Variants in KAT6A observed in about 807,000 individuals in gnomAD.
KAT6A encodes histone acetyltransferase KAT6A.
Under a neutral mutation model 198.4 loss-of-function variants are expected in KAT6A, and 9 were observed. That is an observed-to-expected ratio of 0.05 (90% CI 0.03 to 0.08). KAT6A has a LOEUF of 0.08. Ranked by LOEUF, KAT6A falls within the 10% of genes least tolerant of loss-of-function variation. The pLI is 1.00. For synonymous variants in KAT6A, 890 were observed against 883.0 expected, an observed-to-expected ratio of 1.01 and a Z score of -0.14; for missense variants, 2,077 against 2,509.9, an observed-to-expected ratio of 0.83 and a Z score of 3.69.
At chr8:41,994,948 CA>C (rs1410514192) in intron 2 of KAT6A, among the ~76,000 whole-genome samples, 1 of 151,910 alleles carries the variant, frequency 6.6e-6, no homozygotes, top group Non-Finnish European at 1.5e-5. Context: ...CCCAGCTACT[CA>C]AAAGGCTGAC....
Position 41,942,725 on chromosome 8 carries a change from T to C in KAT6A, c.2436+68A>G, listed in dbSNP as rs536524001. ...TGTGAAAGATGATCATAATACATTATTATAAATACTCATGAAATCAAAAAT... is the reference window on the plus strand; with the variant it reads ...TGTGAAAGATGATCATAATACATTACTATAAATACTCATGAAATCAAAAAT... On this transcript the variant is annotated intron_variant, in intron 14 of 16. Coordinates refer to ENST00000265713, the MANE Select transcript of KAT6A (RefSeq NM_006766.5). The C allele has an allele frequency of 3.6e-5, 54 of 1,501,602 alleles. No individual in the cohort carries two copies. The Middle Eastern group carries it at 5.2e-4, about 14-fold the overall frequency. 93.0% of individuals were successfully genotyped at this position (1,501,602 alleles called of 1,614,324 possible). A position where few individuals can be genotyped will look rare whatever the true frequency, so the allele number is the denominator to read the frequency against.
intron 1 of KAT6A, among the ~76,000 whole-genome samples, chr8:42,051,410 GCCCGAGCCCGAA>G (rs1449015702): frequency 2.0e-5 from 3 of 151,030 alleles, no homozygotes; most frequent in African/African-American, 7.3e-5. Context: ...CGGAACCCGA[GCCCGAGCCCGAA>G]CCCGAGCGCC....
intron 12 of KAT6A, 76 bp downstream of exon 12, chr8:41,946,489 TATATACACACACACACACACACACAC>T (rs938978729): frequency 4.4e-6 from 2 of 453,860 alleles, no homozygotes; most frequent in African/African-American, 6.4e-5. Flanking sequence ...TAAATATATA[TATATACACACACACACACACACACAC>T]ACACACACAC....
chr8:42,031,819 T>G (rs13439865), intron 2 of KAT6A, among the ~76,000 whole-genome samples: 5,460 of 151,260 alleles, frequency 0.036, 182 homozygotes, highest in African/African-American at 0.092. Flanking sequence ...TTAGTAGAGA[T>G]AGGGTTTTGT....
chr8:42,027,112 A>C (rs1371131214), intron 2 of KAT6A, among the ~76,000 whole-genome samples: 1 of 152,220 alleles, frequency 6.6e-6, no homozygotes, highest in Non-Finnish European at 1.5e-5. Context: ...ATGCATCCCT[A>C]GGATAAACCC....
chr8:41,972,571 A>G lies in KAT6A; in HGVS notation c.1482+2133T>C, dbSNP rs374506031. On this transcript the variant is annotated intron_variant, in intron 8 of 16. Coordinates refer to ENST00000265713, the MANE Select transcript of KAT6A (RefSeq NM_006766.5). ...GTGGAATTTTCTAATCATGAAAAATAAAACAAGCTCAAAGTGATGACATTC... is the reference window on the plus strand; with the variant it reads ...GTGGAATTTTCTAATCATGAAAAATGAAACAAGCTCAAAGTGATGACATTC... Among the ~76,000 whole-genome samples the G allele has an allele frequency of 7.2e-5, 11 of 152,346 alleles. No individual in the cohort carries two copies. In the South Asian group the frequency reaches 1.4e-3, roughly 20 times the overall value.
chr8:42,034,092 G>A (rs561608001), intron 2 of KAT6A, among the ~76,000 whole-genome samples: 7 of 152,256 alleles, frequency 4.6e-5, no homozygotes, highest in African/African-American at 1.4e-4. Context: ...AGGTTGAAGA[G>A]CTAATTTATG....
At chr8:41,991,203 A>G (rs1824928681) in intron 2 of KAT6A, among the ~76,000 whole-genome samples, 1 of 152,218 alleles carries the variant, frequency 6.6e-6, no homozygotes, top group Admixed American at 6.5e-5. Context: ...TGTTCAGAGC[A>G]GCATTATTCA....
intron 8 of KAT6A, among the ~76,000 whole-genome samples, chr8:41,963,221 AT>A (rs1373438830): frequency 6.6e-6 from 1 of 152,210 alleles, no homozygotes; most frequent in African/African-American, 2.4e-5. Flanking sequence ...GATAAATATT[AT>A]CTTTGATAAA....
intron 2 of KAT6A, among the ~76,000 whole-genome samples, chr8:42,003,822 AAG>A (rs1477839076): frequency 2.0e-5 from 3 of 152,186 alleles, no homozygotes; most frequent in African/African-American, 7.2e-5. Flanking sequence ...TTATAAGAGA[AAG>A]AGAAATCAGG....
chr8:41,963,457 G>T (rs1373950251), intron 8 of KAT6A, among the ~76,000 whole-genome samples: 1 of 152,102 alleles, frequency 6.6e-6, no homozygotes, highest in East Asian at 1.9e-4. Context: ...AGACCTACTT[G>T]GTTCTGCCCT....
At position 41,979,272 on chromosome 8, in the gene KAT6A, A is replaced by C. The variant is rs555425798; in HGVS notation, c.908-495T>G. Reference sequence around the variant, plus strand: ...GACAGAGTGAGACTCCGTCTCAAAAAAAAAGTTTCCTGCCTAAAGCTGCTA... The same window carrying C: ...GACAGAGTGAGACTCCGTCTCAAAACAAAAGTTTCCTGCCTAAAGCTGCTA... On this transcript the variant is annotated intron_variant, in intron 5 of 16. Transcript: ENST00000265713. Among the ~76,000 whole-genome samples the C allele has an allele frequency of 1.3e-5, 2 of 152,298 alleles. 1 individual carries two copies. The highest frequency in any genetic ancestry group is 4.2e-4 in the South Asian group (2 of 4,812).
intron 2 of KAT6A, among the ~76,000 whole-genome samples, chr8:41,989,634 A>G (rs189724926): frequency 7.2e-4 from 110 of 152,354 alleles, no homozygotes; most frequent in South Asian, 1.2e-3. Context: ...CACTGACAAT[A>G]TAATACAGAG....
intron 7 of KAT6A, among the ~76,000 whole-genome samples, chr8:41,976,340 T>A (rs1050160398): frequency 6.6e-6 from 1 of 152,256 alleles, no homozygotes; most frequent in African/African-American, 2.4e-5. Context: ...AAGACTATTT[T>A]AAGCTTTAAT....
intron 9 of KAT6A, among the ~76,000 whole-genome samples, chr8:41,951,360 A>G (rs1332928370): frequency 6.6e-6 from 1 of 152,194 alleles, no homozygotes; most frequent in Admixed American, 6.5e-5. Flanking sequence ...AAAAAAAACT[A>G]CTGGAAAACC....
At chr8:42,000,728 A>T (rs1168662963) in intron 2 of KAT6A, among the ~76,000 whole-genome samples, 2 of 152,174 alleles carry the variant, frequency 1.3e-5, no homozygotes, top group African/African-American at 4.8e-5. Flanking sequence ...AAGACCTATG[A>T]AGAACAATAA....
intron 7 of KAT6A, among the ~76,000 whole-genome samples, chr8:41,976,759 GT>G (rs1355394717): frequency 6.6e-6 from 1 of 152,124 alleles, no homozygotes; most frequent in East Asian, 1.9e-4. Flanking sequence ...ATTCTTTGTG[GT>G]TCTACAAAAA....
chr8:42,023,804 T>C (rs1284161245), intron 2 of KAT6A, among the ~76,000 whole-genome samples: 1 of 151,050 alleles, frequency 6.6e-6, no homozygotes, highest in Non-Finnish European at 1.5e-5. Flanking sequence ...TTTATATCCT[T>C]ATTCTACAAA....
intron 2 of KAT6A, among the ~76,000 whole-genome samples, chr8:42,041,385 C>T (rs906192046): frequency 2.0e-5 from 3 of 152,124 alleles, no homozygotes; most frequent in Non-Finnish European, 4.4e-5. Context: ...TATTTCTAGG[C>T]CACTGCTCCT....
Sources: gnomAD v4.1 joint callset for allele counts (sites outside exome capture counted in the v4.1 genomes callset) on GRCh38, gnomAD v4.1.1 for gene constraint, MANE v1.5 for transcripts, NCBI Gene and HGNC (gene_info 2026-07-23, HGNC 2026-07-21) for gene names.